The following CAPN13 variants were observed in gnomAD, a reference collection of about 807,000 sequenced individuals.
CAPN13 encodes calpain 13, also known as calpain-13.
Under a neutral mutation model 98.4 loss-of-function variants are expected in CAPN13, and 90 were observed. The observed-to-expected ratio is 0.92, with a 90% confidence interval of 0.77 to 1.09. The LOEUF is 1.09. Among genes scored for constraint, CAPN13 ranks in the 50% least tolerant of loss-of-function variants. CAPN13 has a pLI of 0.00. For synonymous variants in CAPN13, 330 were observed against 305.5 expected, an observed-to-expected ratio of 1.08 and a Z score of -0.84; for missense variants, 887 against 841.3, an observed-to-expected ratio of 1.05 and a Z score of -0.67.
At chr2:30,804,006 T>C (rs988922260) in intron 1 of CAPN13, among the ~76,000 whole-genome samples, 1 of 152,210 alleles carries the variant, frequency 6.6e-6, no homozygotes, top group African/African-American at 2.4e-5. Flanking sequence ...CCTTCCCTTA[T>C]ACTGCAGAGT....
chr2:30,737,999 A>C, intron 17 of CAPN13: 2 of 551,528 alleles, frequency 3.6e-6, no homozygotes, highest in East Asian at 3.2e-5. Context: ...ACACACACAC[A>C]CACACACCCC....
At chr2:30,731,488 C>CCTCCTGTGCTTCTT in intron 20 of CAPN13, 89 bp from the exon 21 acceptor site, 2 of 1,137,516 alleles carry the variant, frequency 1.8e-6, no homozygotes, top group Non-Finnish European at 2.5e-6. Context: ...ATAAGAAGCA[C>CCTCCTGTGCTTCTT]AGGAGGTGAT....
intron 10 of CAPN13, among the ~76,000 whole-genome samples, chr2:30,752,672 T>C (rs760446396): frequency 2.6e-5 from 4 of 152,192 alleles, no homozygotes; most frequent in Middle Eastern, 3.2e-3. Context: ...AAGGCCAGTA[T>C]GTGGCAAAGA....
intron 7 of CAPN13, among the ~76,000 whole-genome samples, chr2:30,759,193 C>CCCTT (rs1672690196): frequency 6.7e-6 from 1 of 149,892 alleles, no homozygotes; most frequent in South Asian, 2.1e-4. Flanking sequence ...TTCCATCCCT[C>CCCTT]CCTTCCTTCT....
chr2:30,782,579 T>C (rs1331197438), intron 2 of CAPN13, among the ~76,000 whole-genome samples: 1 of 152,162 alleles, frequency 6.6e-6, no homozygotes, highest in Non-Finnish European at 1.5e-5. Context: ...TTCTAGTGAA[T>C]GATCCTTTCA....
intron 1 of CAPN13, among the ~76,000 whole-genome samples, chr2:30,789,016 T>G (rs1046009354): frequency 1.3e-5 from 2 of 152,200 alleles, no homozygotes; most frequent in African/African-American, 4.8e-5. Context: ...TACAAACAGC[T>G]CTGTTTAGTT....
intron 7 of CAPN13, among the ~76,000 whole-genome samples, chr2:30,760,103 G>A (rs1231076516): frequency 6.6e-6 from 1 of 151,970 alleles, no homozygotes; most frequent in East Asian, 1.9e-4. Context: ...TTTTTTTTGA[G>A]ATGGAGTCTT....
At chr2:30,733,925 C>G (rs17010098) in intron 19 of CAPN13, among the ~76,000 whole-genome samples, 1 of 152,118 alleles carries the variant, frequency 6.6e-6, no homozygotes. Flanking sequence ...GGAGATGACG[C>G]GAACAGAAGT....
intron 1 of CAPN13, among the ~76,000 whole-genome samples, chr2:30,788,577 A>T (rs1046110977): frequency 6.6e-6 from 1 of 152,176 alleles, no homozygotes; most frequent in African/African-American, 2.4e-5. Context: ...GGCACAAAAA[A>T]TCCCAAGGTC....
intron 15 of CAPN13, among the ~76,000 whole-genome samples, chr2:30,739,407 G>C (rs1468593898): frequency 2.0e-5 from 3 of 152,020 alleles, no homozygotes; most frequent in African/African-American, 7.2e-5. Flanking sequence ...TTACCACCTT[G>C]AACTGGAAGC....
intron 1 of CAPN13, among the ~76,000 whole-genome samples, chr2:30,791,842 ATTAT>A (rs948584368): frequency 2.6e-5 from 4 of 152,238 alleles, no homozygotes; most frequent in Non-Finnish European, 5.9e-5. Flanking sequence ...GATGTTCATT[ATTAT>A]TTATTTATCT....
At chr2:30,806,652 C>T (rs1675647600) in intron 1 of CAPN13, among the ~76,000 whole-genome samples, 1 of 152,226 alleles carries the variant, frequency 6.6e-6, no homozygotes, top group South Asian at 2.1e-4. Context: ...GCAGCTGGAA[C>T]TGTCTCCCTG....
chr2:30,770,819 C>T (rs893309901), intron 4 of CAPN13, among the ~76,000 whole-genome samples: 3 of 152,200 alleles, frequency 2.0e-5, no homozygotes, highest in Non-Finnish European at 4.4e-5. Flanking sequence ...AGCAATGCTA[C>T]CAACAGAGGA....
At chr2:30,748,015 G>A (rs926251404) in intron 11 of CAPN13, among the ~76,000 whole-genome samples, 2 of 152,228 alleles carry the variant, frequency 1.3e-5, no homozygotes, top group African/African-American at 2.4e-5. Context: ...TTCCTGAACT[G>A]TGAAGACTTT....
At chr2:30,753,858 G>T (rs1372933045) in intron 9 of CAPN13, among the ~76,000 whole-genome samples, 1 of 152,042 alleles carries the variant, frequency 6.6e-6, no homozygotes, top group Non-Finnish European at 1.5e-5. Flanking sequence ...GTGACTTCTG[G>T]GTGATGAAGT....
At chr2:30,741,765 C>T (rs544077589) in intron 15 of CAPN13, 143 bp downstream of exon 15, 24 of 1,501,352 alleles carry the variant, frequency 1.6e-5, no homozygotes, top group East Asian at 5.0e-5. Flanking sequence ...GTTCTGGAGA[C>T]GATCCAGGAA....
chr2:30,782,784 G>A (rs1674058051), intron 2 of CAPN13, among the ~76,000 whole-genome samples: 1 of 152,214 alleles, frequency 6.6e-6, no homozygotes, highest in African/African-American at 2.4e-5. Flanking sequence ...GTACAAAGAT[G>A]AAATTTCAGT....
chr2:30,740,366 G>A (rs1671595910), intron 15 of CAPN13, among the ~76,000 whole-genome samples: 1 of 152,168 alleles, frequency 6.6e-6, no homozygotes, highest in African/African-American at 2.4e-5. Context: ...GTGCTGGGAT[G>A]ACAGGCGTCA....
rs548529249 is a variant in CAPN13 at position 30,755,163 on chromosome 2, G to A, written c.867-799C>T. Among the ~76,000 whole-genome samples, 3 of 148,964 alleles carry A rather than the reference G, an allele frequency of 2.0e-5. No individual in the cohort carries two copies. In the East Asian group the frequency reaches 6.0e-4, roughly 30 times the overall value. On this transcript the variant is annotated intron_variant, in intron 8 of 22. Coordinates refer to ENST00000295055, the MANE Select transcript of CAPN13 (RefSeq NM_144575.3). ...CAACTTTCACCCTGATGCTCCCCCT[G>A]CACCTGGCGCCCTCTTCCTCCTCTC... is the stretch of plus-strand genomic sequence containing the variant.
Sources: allele counts gnomAD v4.1 joint callset (sites outside exome capture counted in the v4.1 genomes callset), GRCh38; gene constraint gnomAD v4.1.1; transcripts MANE v1.5; gene names NCBI Gene and HGNC (gene_info 2026-07-23, HGNC 2026-07-21).